Variants in RNF128 observed in about 807,000 individuals in gnomAD.
The protein encoded by RNF128 is E3 ubiquitin-protein ligase RNF128.
Under a neutral mutation model 26.2 loss-of-function variants are expected in RNF128, and 13 were observed. That is an observed-to-expected ratio of 0.50 (90% CI 0.32 to 0.79). The LOEUF is 0.79. Among genes scored for constraint, RNF128 ranks in the 30% least tolerant of loss-of-function variants. The probability of loss-of-function intolerance (pLI) is 0.03; values close to 1 mark genes in which losing one functional copy is unlikely to be tolerated. For missense variants in RNF128, 315 were observed against 349.7 expected (o/e 0.90, Z 0.79); for synonymous variants, 149 against 142.5 (o/e 1.05, Z -0.32).
At chrX:106,694,947 G>T (rs1262659577) in intron 1 of RNF128, among the ~76,000 whole-genome samples, 1 of 111,342 alleles carries the variant, frequency 9.0e-6, no homozygotes, top group Non-Finnish European at 1.9e-5. Flanking sequence ...GCAAAAACGT[G>T]ATATTACCCA....
chrX:106,769,546 GTT>G (rs752900867), intron 1 of RNF128, among the ~76,000 whole-genome samples: 8,049 of 65,010 alleles, frequency 0.12, 1,202 homozygotes, highest in African/African-American at 0.44. Context: ...CACCTGCTTT[GTT>G]TTTTTTTTTT....
chrX:106,735,985 T>G (rs1340849007), intron 1 of RNF128, among the ~76,000 whole-genome samples: 1 of 110,323 alleles, frequency 9.1e-6, no homozygotes, highest in East Asian at 2.8e-4. Context: ...GTAAGAGGCC[T>G]GCTTACCCTC....
intron 4 of RNF128, 59 bp downstream of exon 4, chrX:106,788,059 G>A (rs1930688982): frequency 1.5e-6 from 1 of 659,899 alleles, no homozygotes; most frequent in Non-Finnish European, 2.2e-6. Context: ...AAATGACTGT[G>A]ATGGAAGAAA....
At chrX:106,704,426 T>C (rs186274606) in intron 1 of RNF128, among the ~76,000 whole-genome samples, 3,024 of 72,940 alleles carry the variant, frequency 0.041, 161 homozygotes, top group African/African-American at 0.16. Flanking sequence ...AGCGAGACTC[T>C]GTCTCAGAAA....
chrX:106,762,787 C>T (rs899076694), intron 1 of RNF128, among the ~76,000 whole-genome samples: 21 of 109,980 alleles, frequency 1.9e-4, no homozygotes, highest in African/African-American at 6.9e-4. Context: ...AACCAAATAC[C>T]ACATGTTCTT....
intron 1 of RNF128, among the ~76,000 whole-genome samples, chrX:106,695,459 T>C (rs1928860986): frequency 8.9e-6 from 1 of 111,820 alleles, no homozygotes; most frequent in Non-Finnish European, 1.9e-5. Flanking sequence ...GGTACTAATA[T>C]TTGAAAACCA....
At chrX:106,725,014 T>C (rs1434233481), upstream of RNF128, among the ~76,000 whole-genome samples, 4 of 112,452 alleles carry the variant, frequency 3.6e-5, no homozygotes, top group African/African-American at 1.3e-4. Flanking sequence ...AGCTATAAAA[T>C]ACCTTCTTTC....
chrX:106,773,416 G>C (rs373791741), intron 2 of RNF128, among the ~76,000 whole-genome samples: 1 of 111,560 alleles, frequency 9.0e-6, no homozygotes, highest in Non-Finnish European at 1.9e-5. Context: ...TTACATATAG[G>C]TGTAAATACA....
At chrX:106,783,432 C>A (rs1338148898) in intron 2 of RNF128, among the ~76,000 whole-genome samples, 1 of 110,831 alleles carries the variant, frequency 9.0e-6, no homozygotes, top group Admixed American at 9.7e-5. Flanking sequence ...CTGCTATATG[C>A]CAGACATTAT....
intron 1 of RNF128, among the ~76,000 whole-genome samples, chrX:106,699,512 C>G (rs1321277013): frequency 8.9e-6 from 1 of 111,748 alleles, no homozygotes; most frequent in African/African-American, 3.3e-5. Flanking sequence ...CTCGCACTGA[C>G]TACTGCAAAT....
intron 1 of RNF128, among the ~76,000 whole-genome samples, chrX:106,732,917 A>C (rs1929524424): frequency 9.0e-6 from 1 of 111,300 alleles, no homozygotes; most frequent in African/African-American, 3.3e-5. Context: ...TAAAGTAAAA[A>C]TCTTTTTTAA....
chrX:106,772,230 G>C (rs966295680), intron 1 of RNF128, among the ~76,000 whole-genome samples: 2 of 111,709 alleles, frequency 1.8e-5, no homozygotes, highest in East Asian at 5.6e-4. Context: ...ATTAGTCTTA[G>C]TTTAGGCTTG....
chrX:106,763,800 C>T (rs761123257), intron 1 of RNF128, among the ~76,000 whole-genome samples: 40 of 112,463 alleles, frequency 3.6e-4, no homozygotes, highest in Non-Finnish European at 7.0e-4. Flanking sequence ...TGGGCCACCA[C>T]GCCCGGCCAA....
intron 1 of RNF128, among the ~76,000 whole-genome samples, chrX:106,754,306 A>C (rs1929955933): frequency 9.1e-6 from 1 of 109,311 alleles, no homozygotes; most frequent in Admixed American, 9.8e-5. Context: ...TGCAGCCTAA[A>C]CCTACCAGAC....
At chrX:106,746,809 C>T (rs994668289) in intron 1 of RNF128, among the ~76,000 whole-genome samples, 5 of 111,533 alleles carry the variant, frequency 4.5e-5, no homozygotes, top group Non-Finnish European at 5.7e-5. Context: ...TCTGTCCCTT[C>T]TCCTAAGATA....
intron 1 of RNF128, among the ~76,000 whole-genome samples, chrX:106,697,708 C>T (rs1016047617): frequency 3.6e-4 from 40 of 111,145 alleles, no homozygotes; most frequent in African/African-American, 1.2e-3. Flanking sequence ...TATTTACAGC[C>T]TCCCTACTAA....
At chrX:106,709,605 A>T (rs1017380399) in intron 1 of RNF128, among the ~76,000 whole-genome samples, 1 of 110,667 alleles carries the variant, frequency 9.0e-6, no homozygotes, top group Non-Finnish European at 1.9e-5. Flanking sequence ...GGAGTGCAAC[A>T]GCCCAATCTG....
At chrX:106,741,501 A>G (rs983564905) in intron 1 of RNF128, among the ~76,000 whole-genome samples, 1 of 112,103 alleles carries the variant, frequency 8.9e-6, no homozygotes, top group Non-Finnish European at 1.9e-5. Context: ...CAGAATCAGC[A>G]CTGTGGCAAT....
At position 106,694,409 on chromosome X, in the gene RNF128, G is replaced by A. The variant is rs745407388; in HGVS notation, c.406+1G>A. ...CAGACGATACAGATGGCAAATTTTG[G>A]TAAGTAATAATTGATTCACAAAGAG... is the stretch of plus-strand genomic sequence containing the variant. On this transcript the variant is annotated splice_donor_variant, in intron 1 of 6. Coordinates refer to the RNF128 transcript ENST00000324342. LOFTEE classifies it high-confidence loss of function. 1.7e-6 allele frequency: 2 copies of A among 1,169,213 alleles called. No homozygotes were observed. The highest frequency in any genetic ancestry group is 2.3e-6 in the Non-Finnish European group (2 of 874,446).
Sources: allele counts gnomAD v4.1 joint callset (sites outside exome capture counted in the v4.1 genomes callset), GRCh38; gene constraint gnomAD v4.1.1; transcripts MANE v1.5; gene names NCBI Gene and HGNC (gene_info 2026-07-23, HGNC 2026-07-21).